The following MYO3B variants were observed in gnomAD, a reference collection of about 807,000 sequenced individuals.
MYO3B encodes the protein myosin-IIIb.
MYO3B carries 156 observed loss-of-function variants against 174.6 expected under a neutral mutation model. The observed-to-expected ratio is 0.89, with a 90% CI of 0.78 to 1.02. MYO3B has a LOEUF of 1.02. MYO3B is among the 50% of genes least tolerant of loss of function. The probability of loss-of-function intolerance (pLI) is 0.00; values close to 1 mark genes in which losing one functional copy is unlikely to be tolerated. For missense variants in MYO3B, 1,632 were observed against 1,639.4 expected (o/e 1.00, Z 0.08); for synonymous variants, 563 against 569.1 (o/e 0.99, Z 0.15).
intron 7 of MYO3B, among the ~76,000 whole-genome samples, chr2:170,310,470 C>T (rs1162870051): frequency 2.0e-5 from 3 of 152,030 alleles, no homozygotes; most frequent in Non-Finnish European, 4.4e-5. Flanking sequence ...TGAGACCAGC[C>T]TGGCCATCGT....
chr2:170,371,860 TG>T (rs34469903), intron 9 of MYO3B, among the ~76,000 whole-genome samples: 44,970 of 151,570 alleles, frequency 0.3, 8,035 homozygotes, highest in Non-Finnish European at 0.4. Flanking sequence ...CCCAGCACGT[TG>T]GGAGGCTGAG....
At chr2:170,191,029 C>T (rs2092534153) in intron 1 of MYO3B, among the ~76,000 whole-genome samples, 2 of 151,934 alleles carry the variant, frequency 1.3e-5, no homozygotes, top group South Asian at 2.1e-4. Flanking sequence ...GCTGAATATT[C>T]AGGGCCCAAG....
At chr2:170,498,117 G>A (rs1687002574) in intron 25 of MYO3B, among the ~76,000 whole-genome samples, 1 of 152,162 alleles carries the variant, frequency 6.6e-6, no homozygotes, top group Admixed American at 6.5e-5. Context: ...CGCTGAGTAA[G>A]ATGAATAGCT....
chr2:170,411,261 G>A (rs927911094), intron 22 of MYO3B, among the ~76,000 whole-genome samples: 2 of 152,098 alleles, frequency 1.3e-5, no homozygotes, highest in African/African-American at 2.4e-5. Context: ...ATAGCTTAAT[G>A]ATGGGGATGC....
At chr2:170,272,398 AC>A (rs2093431906) in intron 7 of MYO3B, among the ~76,000 whole-genome samples, 1 of 151,962 alleles carries the variant, frequency 6.6e-6, no homozygotes, top group South Asian at 2.1e-4. Context: ...TGGTCTCCCT[AC>A]TTCCAGAGTT....
chr2:170,528,492 G>C (rs1264086890), intron 30 of MYO3B, among the ~76,000 whole-genome samples: 1 of 152,136 alleles, frequency 6.6e-6, no homozygotes, highest in African/African-American at 2.4e-5. Context: ...TGCAACCTCT[G>C]CCTCCCGGGT....
At chr2:170,193,653 T>A (rs1308264280) in intron 1 of MYO3B, among the ~76,000 whole-genome samples, 1 of 152,140 alleles carries the variant, frequency 6.6e-6, no homozygotes, top group Non-Finnish European at 1.5e-5. Context: ...TTTTTTGTTG[T>A]TATGTCAAAG....
intron 22 of MYO3B, among the ~76,000 whole-genome samples, chr2:170,441,250 C>T (rs2094798843): frequency 6.6e-6 from 1 of 152,182 alleles, no homozygotes; most frequent in East Asian, 1.9e-4. Context: ...GATGTGGATG[C>T]CTTTCATTTC....
chr2:170,501,723 A>G, intron 27 of MYO3B, 62 bp from the exon 28 acceptor site: 2 of 1,149,094 alleles, frequency 1.7e-6, no homozygotes, highest in Non-Finnish European at 2.6e-6. Flanking sequence ...AACAGCTTAT[A>G]TCAATTCTCT....
At chr2:170,549,894 G>A (rs943483918) in intron 32 of MYO3B, among the ~76,000 whole-genome samples, 8 of 152,196 alleles carry the variant, frequency 5.3e-5, no homozygotes, top group Non-Finnish European at 8.8e-5. Flanking sequence ...AGACAGCAAT[G>A]CTATGATCAT....
chr2:170,248,929 A>C (rs769890268), intron 7 of MYO3B, among the ~76,000 whole-genome samples: 4 of 152,230 alleles, frequency 2.6e-5, no homozygotes, highest in Non-Finnish European at 4.4e-5. Context: ...AATTTTTAGA[A>C]ACCTTCAAGA....
At chr2:170,263,586 G>T (rs1170020173) in intron 7 of MYO3B, among the ~76,000 whole-genome samples, 1 of 152,100 alleles carries the variant, frequency 6.6e-6, no homozygotes, top group Admixed American at 6.5e-5. Context: ...TTAAGAAAAG[G>T]TGCTGTGCTT....
intron 32 of MYO3B, among the ~76,000 whole-genome samples, chr2:170,599,273 C>A (rs1382539915): frequency 1.3e-5 from 2 of 152,164 alleles, no homozygotes; most frequent in Non-Finnish European, 2.9e-5. Flanking sequence ...GACAATACTC[C>A]AGGCAGTTAC....
chr2:170,460,427 G>T (rs1003387171), intron 23 of MYO3B, among the ~76,000 whole-genome samples: 2 of 135,728 alleles, frequency 1.5e-5, no homozygotes, highest in Non-Finnish European at 3.1e-5. Flanking sequence ...GGCAGAGGTT[G>T]CAGTGAGCTG....
intron 30 of MYO3B, among the ~76,000 whole-genome samples, chr2:170,541,129 C>CT (rs1356606152): frequency 2.6e-5 from 4 of 152,128 alleles, no homozygotes; most frequent in Admixed American, 6.5e-5. Context: ...CTGCCATTGG[C>CT]TTTGGATTCT....
chr2:170,509,405 C>A (rs1006594210), intron 28 of MYO3B, among the ~76,000 whole-genome samples: 1 of 152,144 alleles, frequency 6.6e-6, no homozygotes, highest in Non-Finnish European at 1.5e-5. Flanking sequence ...GAAACAATTT[C>A]TTTCATTTCT....
intron 22 of MYO3B, among the ~76,000 whole-genome samples, chr2:170,421,415 G>A (rs189002999): frequency 3.9e-5 from 6 of 152,306 alleles, no homozygotes; most frequent in Admixed American, 3.3e-4. Flanking sequence ...TTTCCCAGAA[G>A]CAAACAGTAC....
In MYO3B at chr2:170,382,014, A is replaced by G. The variant is rs761788185; in HGVS notation, c.972-2A>G. 7 of 1,610,380 alleles carry G rather than the reference A, an allele frequency of 4.3e-6. No individual in the cohort carries two copies. The highest frequency in any genetic ancestry group is 5.9e-6 in the Non-Finnish European group (7 of 1,177,128). On this transcript the variant is annotated splice_acceptor_variant, in intron 9 of 34. Transcript: ENST00000408978. LOFTEE classifies it high-confidence loss of function. ...GCTTAAACTCTCTTGATAAATTTCT[A>G]GGCATGAGAGGATGCATACCAGAAG...
At chr2:170,542,856 T>C in intron 30 of MYO3B, 50 bp from the exon 31 acceptor site, 4 of 1,395,162 alleles carry the variant, frequency 2.9e-6, no homozygotes, top group Non-Finnish European at 4.0e-6. Context: ...TAAGTTTTTC[T>C]ATTATTATTT....
Sources: gnomAD v4.1 joint callset for allele counts (sites outside exome capture counted in the v4.1 genomes callset) on GRCh38, gnomAD v4.1.1 for gene constraint, MANE v1.5 for transcripts, NCBI Gene and HGNC (gene_info 2026-07-23, HGNC 2026-07-21) for gene names.